SAMSN1: variants seen among roughly 807,000 people sequenced by gnomAD.
SAMSN1 encodes SAM domain-containing protein SAMSN-1.
In SAMSN1, 31 loss-of-function variants were observed where a neutral mutation model predicts 42.0. That is an observed-to-expected ratio of 0.74 (90% CI 0.55 to 1.00). The LOEUF is 1.00. Among genes scored for constraint, SAMSN1 ranks in the 50% least tolerant of loss-of-function variants. The pLI is 0.00. For missense variants in SAMSN1, 464 were observed against 439.4 expected (o/e 1.06, Z -0.50); for synonymous variants, 178 against 151.9 (o/e 1.17, Z -1.26).
At chr21:14,641,826 T>G (rs1457392377) in intron 2 of SAMSN1, among the ~76,000 whole-genome samples, 1 of 152,156 alleles carries the variant, frequency 6.6e-6, no homozygotes. Flanking sequence ...ACATGGAGGT[T>G]AGGGTTGCTG....
chr21:14,560,048 G>A (rs1600930262), intron 2 of SAMSN1, among the ~76,000 whole-genome samples: 1 of 152,168 alleles, frequency 6.6e-6, no homozygotes, highest in Non-Finnish European at 1.5e-5. Flanking sequence ...TTACAGTTCA[G>A]TGGGAAGACA....
At chr21:14,622,729 A>T (rs1600969728) in intron 2 of SAMSN1, among the ~76,000 whole-genome samples, 1 of 152,236 alleles carries the variant, frequency 6.6e-6, no homozygotes, top group African/African-American at 2.4e-5. Context: ...TCCCCAACCT[A>T]GCAAGGCAGG....
intron 1 of SAMSN1, among the ~76,000 whole-genome samples, chr21:14,524,080 A>G (rs544704801): frequency 3.9e-5 from 6 of 152,314 alleles, no homozygotes; most frequent in Non-Finnish European, 1.5e-5. Flanking sequence ...TTAGTAACTA[A>G]CTTTCTCAGA....
At chr21:14,636,457 C>A (rs901425164) in intron 2 of SAMSN1, among the ~76,000 whole-genome samples, 1 of 152,194 alleles carries the variant, frequency 6.6e-6, no homozygotes, top group Non-Finnish European at 1.5e-5. Flanking sequence ...GGATCCAGAA[C>A]TCCAGCCTAG....
chr21:14,654,556 A>G (rs988661955), intron 1 of SAMSN1, among the ~76,000 whole-genome samples: 2 of 152,004 alleles, frequency 1.3e-5, no homozygotes, highest in Non-Finnish European at 2.9e-5. Flanking sequence ...TACAGGGCCT[A>G]TGGTAGCAAC....
intron 1 of SAMSN1, among the ~76,000 whole-genome samples, chr21:14,539,101 G>A (rs1366526282): frequency 1.3e-5 from 2 of 152,190 alleles, no homozygotes; most frequent in East Asian, 1.9e-4. Flanking sequence ...TCTACCTTTA[G>A]GTAACAATGG....
chr21:14,597,070 T>C (rs1982288122), intron 6 of SAMSN1, among the ~76,000 whole-genome samples: 1 of 152,176 alleles, frequency 6.6e-6, no homozygotes, highest in South Asian at 2.1e-4. Flanking sequence ...TATAATCATG[T>C]CATACATAAA....
intron 1 of SAMSN1, among the ~76,000 whole-genome samples, chr21:14,653,365 A>G (rs956080885): frequency 6.6e-6 from 1 of 152,062 alleles, no homozygotes; most frequent in African/African-American, 2.4e-5. Flanking sequence ...AGAACTGGAG[A>G]TGATTATGGT....
At chr21:14,618,691 T>TGCGC (rs71321939) in intron 2 of SAMSN1, among the ~76,000 whole-genome samples, 1 of 15,764 alleles carries the variant, frequency 6.3e-5, no homozygotes, top group East Asian at 1.1e-3. Flanking sequence ...TGTGTGTGTG[T>TGCGC]GCGCGCGCGC....
At chr21:14,624,416 T>A (rs1035262433) in intron 2 of SAMSN1, among the ~76,000 whole-genome samples, 1 of 151,904 alleles carries the variant, frequency 6.6e-6, no homozygotes, top group Non-Finnish European at 1.5e-5. Context: ...AAGAATAAAA[T>A]AGACACAATA....
At chr21:14,538,466 G>A (rs970290409) in intron 1 of SAMSN1, among the ~76,000 whole-genome samples, 5 of 152,054 alleles carry the variant, frequency 3.3e-5, no homozygotes, top group Non-Finnish European at 7.4e-5. Flanking sequence ...CTACCTCCTG[G>A]GGTTTTGAGA....
intron 2 of SAMSN1, among the ~76,000 whole-genome samples, chr21:14,567,913 G>A (rs1017193873): frequency 3.1e-4 from 47 of 152,050 alleles, no homozygotes; most frequent in Non-Finnish European, 7.4e-5. Flanking sequence ...ATACATATGA[G>A]AGATTCTCAA....
At chr21:14,604,117 G>A (rs1178159813) in intron 5 of SAMSN1, among the ~76,000 whole-genome samples, 2 of 152,060 alleles carry the variant, frequency 1.3e-5, no homozygotes, top group African/African-American at 2.4e-5. Flanking sequence ...GGTCTTACAC[G>A]TTTTTGTTTA....
At chr21:14,646,390 A>AT (rs2123387693) in intron 1 of SAMSN1, among the ~76,000 whole-genome samples, 1 of 152,346 alleles carries the variant, frequency 6.6e-6, no homozygotes, top group South Asian at 2.1e-4. Flanking sequence ...AAGGAAAATA[A>AT]TTTTTACCCC....
intron 6 of SAMSN1, among the ~76,000 whole-genome samples, chr21:14,599,688 C>T (rs1035433847): frequency 1.3e-5 from 2 of 152,098 alleles, no homozygotes; most frequent in East Asian, 3.9e-4. Context: ...CCCTGCCTTG[C>T]TTCCTCTTTT....
chr21:14,646,464 C>A (rs1205253166), intron 1 of SAMSN1, among the ~76,000 whole-genome samples: 1 of 152,040 alleles, frequency 6.6e-6, no homozygotes, highest in Non-Finnish European at 1.5e-5. Flanking sequence ...CCCAGGCATA[C>A]AAAAGCTGAG....
At chr21:14,582,158 T>C in exon 2 of SAMSN1, 1 of 1,549,398 alleles carries the variant, frequency 6.5e-7, no homozygotes, top group Admixed American at 2.0e-5. Flanking sequence ...GAGATCCATA[T>C]CTGAGCAGGA....
chr21:14,567,219 A>G (rs1315867588), intron 2 of SAMSN1, among the ~76,000 whole-genome samples: 1 of 152,102 alleles, frequency 6.6e-6, no homozygotes, highest in Non-Finnish European at 1.5e-5. Flanking sequence ...TAAAGAACAT[A>G]AAAGAGTAGC....
chr21:14,604,443 G>A (rs1351046782), intron 5 of SAMSN1, among the ~76,000 whole-genome samples: 1 of 152,184 alleles, frequency 6.6e-6, no homozygotes, highest in Admixed American at 6.5e-5. Flanking sequence ...TAAGCCGGGG[G>A]CAGTGGAGGA....
Sources: allele counts gnomAD v4.1 joint callset (sites outside exome capture counted in the v4.1 genomes callset), GRCh38; gene constraint gnomAD v4.1.1; transcripts MANE v1.5; gene names NCBI Gene and HGNC (gene_info 2026-07-23, HGNC 2026-07-21).